The following DLG5 variants were observed in gnomAD, a reference collection of about 807,000 sequenced individuals.
The protein encoded by DLG5 is disks large homolog 5.
A neutral mutation model predicts 189.8 loss-of-function variants in DLG5; 48 were observed. The observed-to-expected ratio is 0.25, with a 90% confidence interval of 0.20 to 0.32. DLG5 has a LOEUF of 0.32. DLG5 is among the 10% of genes least tolerant of loss of function. The pLI is 1.00. For missense variants in DLG5, 2,160 were observed against 2,544.7 expected (o/e 0.85, Z 3.25); for synonymous variants, 1,016 against 1,054.1 (o/e 0.96, Z 0.70).
intron 20 of DLG5, among the ~76,000 whole-genome samples, chr10:77,814,840 G>C (rs545698244): frequency 2.6e-5 from 4 of 152,064 alleles, no homozygotes; most frequent in Non-Finnish European, 5.9e-5. Context: ...CTCCTTACAG[G>C]TGTGAACCAC....
intron 5 of DLG5, among the ~76,000 whole-genome samples, chr10:77,847,541 C>G (rs1039496399): frequency 6.6e-6 from 1 of 152,138 alleles, no homozygotes; most frequent in Non-Finnish European, 1.5e-5. Flanking sequence ...AGCTGGGGAA[C>G]CAGGTCATGG....
intron 27 of DLG5, among the ~76,000 whole-genome samples, chr10:77,798,664 G>A (rs1350896794): frequency 6.6e-6 from 1 of 152,198 alleles, no homozygotes; most frequent in Non-Finnish European, 1.5e-5. Context: ...GGCATCCCTG[G>A]TGATTCGTCG....
Position 77,821,306 on chromosome 10 carries a change from G to T in DLG5, c.3178C>A (p.Pro1060Thr). Residue 1060 changes from proline to threonine, a missense_variant, in exon 15 of 32, where the codon CCC becomes ACC. By Grantham distance (38) the Pro-to-Thr change is conservative. Coordinates refer to ENST00000372391, the MANE Select transcript of DLG5 (RefSeq NM_004747.4). Reference protein sequence around the residue: ...ALPPDVDPGEPMHASPPRKAR... With the variant: ...ALPPDVDPGETMHASPPRKAR... ...TTGCGAGGGGGTGATGCGTGCATGG[G>T]CTCCCCGGGGTCCACGTCAGGGGGC... The T allele has an allele frequency of 6.2e-7, 1 of 1,613,516 alleles. No individual in the cohort carries two copies. The highest frequency in any genetic ancestry group is 8.5e-7 in the Non-Finnish European group (1 of 1,180,040).
chr10:77,834,028 T>C lies in DLG5; in HGVS notation c.1634A>G (p.Asp545Gly). 9 of 1,609,570 alleles carry C rather than the reference T, an allele frequency of 5.6e-6. No individual in the cohort carries two copies. Among genetic ancestry groups the C allele is most frequent in the Non-Finnish European group, 7.6e-6 (9 of 1,179,742 alleles). The change falls in exon 9 of 32, where the codon GAC becomes GGC. Residue 545 changes from aspartate to glycine, a missense_variant. By Grantham distance (94) the Asp-to-Gly change is moderately conservative (BLOSUM62 -1). Coordinates refer to ENST00000372391, the MANE Select transcript of DLG5 (RefSeq NM_004747.4). ...AERDSIRTLC[D>G]NLRRERDRAV... The stretch of plus-strand genomic sequence containing the variant: ...ACGGTCCCGCTCCCGCCTCAGGTTG[T>C]CACACAGTGTCCTGGTGGAAGGAGC...
intron 1 of DLG5, among the ~76,000 whole-genome samples, chr10:77,908,282 TCA>T (rs1443868826): frequency 6.6e-6 from 1 of 152,092 alleles, no homozygotes; most frequent in Non-Finnish European, 1.5e-5. Flanking sequence ...TCCTAGCAAC[TCA>T]CAGACAGCCA....
chr10:77,846,274 T>C (rs1429258956), intron 5 of DLG5, among the ~76,000 whole-genome samples: 1 of 152,188 alleles, frequency 6.6e-6, no homozygotes, highest in African/African-American at 2.4e-5. Context: ...GGGCTCACCA[T>C]GACTATACTG....
At chr10:77,805,995 C>T in intron 26 of DLG5, 134 bp from the exon 27 acceptor site, 1 of 833,238 alleles carries the variant, frequency 1.2e-6, no homozygotes, top group Non-Finnish European at 1.9e-6. Context: ...GGTCTCAAGG[C>T]TACATCTCCT....
intron 1 of DLG5, among the ~76,000 whole-genome samples, chr10:77,909,696 C>T (rs781531974): frequency 5.9e-5 from 9 of 152,002 alleles, no homozygotes; most frequent in Admixed American, 1.3e-4. Flanking sequence ...GATACATAGG[C>T]GCATATATAC....
chr10:77,816,951 TGAG>T, intron 19 of DLG5, 53 bp downstream of exon 19: 1 of 1,545,998 alleles, frequency 6.5e-7, no homozygotes, highest in Non-Finnish European at 8.9e-7. Flanking sequence ...GACTCCACCA[TGAG>T]GAGTCAGACC....
chr10:77,831,298 A>G (rs989196081), intron 9 of DLG5, among the ~76,000 whole-genome samples: 3 of 152,130 alleles, frequency 2.0e-5, no homozygotes, highest in Non-Finnish European at 4.4e-5. Flanking sequence ...TCGGCTACTC[A>G]GGAGGCAGGA....
intron 27 of DLG5, among the ~76,000 whole-genome samples, chr10:77,799,233 T>G (rs1372226613): frequency 1.3e-5 from 2 of 152,212 alleles, no homozygotes; most frequent in African/African-American, 4.8e-5. Flanking sequence ...GGTTCCAACC[T>G]TAGACCATAC....
At chr10:77,918,519 C>T (rs1045337143) in intron 1 of DLG5, among the ~76,000 whole-genome samples, 4 of 151,932 alleles carry the variant, frequency 2.6e-5, no homozygotes, top group Admixed American at 2.6e-4. Flanking sequence ...GTGAAATGAA[C>T]GTCAAGGTCA....
chr10:77,879,037 A>G (rs1216154422), intron 1 of DLG5, among the ~76,000 whole-genome samples: 1 of 152,244 alleles, frequency 6.6e-6, no homozygotes, highest in Non-Finnish European at 1.5e-5. Flanking sequence ...TGGAGCTCAC[A>G]TGAACAGGGT....
chr10:77,792,482 T>C lies in DLG5; in HGVS notation c.5718A>G (p.Gln1906=). ...GAATCCACAGGACTTTATTTTGTTC[T>C]TGATTGACCATTGCCAAGATCTGAG... is the stretch of plus-strand genomic sequence containing the variant. The part of the protein sequence containing the change: ...ICTQILAMVN[Q]EQNKVLWIPA... The change falls in exon 32 of 32, where the codon CAA becomes CAG. Residue 1906 remains glutamine (Q), a synonymous_variant. Transcript: ENST00000372391. 6.2e-7 allele frequency: 1 copy of C among 1,614,234 alleles called. No homozygotes were observed. The highest frequency in any genetic ancestry group is 8.5e-7 in the Non-Finnish European group (1 of 1,180,042).
chr10:77,911,521 G>C (rs1846220589), intron 1 of DLG5, among the ~76,000 whole-genome samples: 1 of 152,180 alleles, frequency 6.6e-6, no homozygotes, highest in Admixed American at 6.5e-5. Context: ...TGGCTGGAAA[G>C]ATCTTTACTA....
chr10:77,805,452 T>C (rs74140348), intron 27 of DLG5, among the ~76,000 whole-genome samples: 1,577 of 152,292 alleles, frequency 0.01, 27 homozygotes, highest in African/African-American at 0.036. Context: ...TGCAGCTGCA[T>C]TGACAGGCGG....
chr10:77,896,871 C>A (rs2559667), intron 1 of DLG5, among the ~76,000 whole-genome samples: 107,473 of 151,716 alleles, frequency 0.71, 38,450 homozygotes, highest in African/African-American at 0.81. Context: ...GTCTCGGTGA[C>A]GACTAAACAA....
chr10:77,854,142 C>A, intron 4 of DLG5, 85 bp downstream of exon 4: 1 of 1,524,758 alleles, frequency 6.6e-7, no homozygotes, highest in Non-Finnish European at 8.8e-7. Context: ...GAACCAGAAC[C>A]CCTGGCTACT....
intron 1 of DLG5, among the ~76,000 whole-genome samples, chr10:77,881,031 G>A (rs1443554451): frequency 7.0e-6 from 1 of 143,016 alleles, no homozygotes; most frequent in African/African-American, 2.6e-5. Context: ...GGAGTGCAGT[G>A]GTGTGATCTC....
Sources: allele counts gnomAD v4.1 joint callset (sites outside exome capture counted in the v4.1 genomes callset), GRCh38; gene constraint gnomAD v4.1.1; transcripts MANE v1.5; gene names NCBI Gene and HGNC (gene_info 2026-07-23, HGNC 2026-07-21).